AFTPH: variants seen among roughly 807,000 people sequenced by gnomAD.
AFTPH encodes the protein aftiphilin.
AFTPH carries 7 observed loss-of-function variants against 72.5 expected under a neutral mutation model. The ratio of observed to expected loss-of-function variants is 0.10; its 90% CI spans 0.05 to 0.18. The LOEUF (loss-of-function observed/expected upper bound fraction) is 0.18. AFTPH is among the 10% of genes least tolerant of loss of function. The pLI, the probability that AFTPH is intolerant of heterozygous loss-of-function variation, is 1.00. For missense variants in AFTPH, 979 were observed against 1,060.5 expected (o/e 0.92, Z 1.07); for synonymous variants, 337 against 370.1 (o/e 0.91, Z 1.03).
At chr2:64,576,757 C>G (rs1305874921) in intron 6 of AFTPH, among the ~76,000 whole-genome samples, 1 of 151,214 alleles carries the variant, frequency 6.6e-6, no homozygotes, top group African/African-American at 2.4e-5. Flanking sequence ...TCCATGCTCA[C>G]TTTTTTTTTG....
chr2:64,546,783 C>T (rs1432932633), intron 1 of AFTPH, among the ~76,000 whole-genome samples: 1 of 151,966 alleles, frequency 6.6e-6, no homozygotes, highest in African/African-American at 2.4e-5. Flanking sequence ...GCCTGTGATC[C>T]CAGCACTTTG....
chr2:64,576,665 A>G (rs1672822555), intron 6 of AFTPH, among the ~76,000 whole-genome samples: 1 of 152,224 alleles, frequency 6.6e-6, no homozygotes, highest in Non-Finnish European at 1.5e-5. Context: ...AGTCACCGGT[A>G]GCAACTTCTC....
chr2:64,546,019 A>G (rs957140165), intron 1 of AFTPH, among the ~76,000 whole-genome samples: 5 of 151,852 alleles, frequency 3.3e-5, no homozygotes, highest in African/African-American at 1.2e-4. Context: ...CATCCTCCCA[A>G]GTAGCTGGGA....
intron 1 of AFTPH, among the ~76,000 whole-genome samples, chr2:64,528,990 G>A (rs1669444317): frequency 6.6e-6 from 1 of 152,176 alleles, no homozygotes; most frequent in Admixed American, 6.5e-5. Context: ...TGCTGGTAGA[G>A]TTAAGAAGAG....
chr2:64,581,791 A>G (rs1673221126), intron 7 of AFTPH, among the ~76,000 whole-genome samples: 1 of 152,228 alleles, frequency 6.6e-6, no homozygotes, highest in African/African-American at 2.4e-5. Context: ...AGCACTAAGT[A>G]TATAGTCCCA....
At chr2:64,539,754 CAAAT>C (rs1166914070) in intron 1 of AFTPH, among the ~76,000 whole-genome samples, 2 of 152,066 alleles carry the variant, frequency 1.3e-5, no homozygotes, top group African/African-American at 4.8e-5. Flanking sequence ...CATTTGAGCT[CAAAT>C]AAAGTAACTC....
chr2:64,529,564 T>A (rs913625151), intron 1 of AFTPH, among the ~76,000 whole-genome samples: 6 of 151,808 alleles, frequency 4.0e-5, no homozygotes, highest in Non-Finnish European at 8.8e-5. Context: ...TTAAATTTTT[T>A]AAAATAGTCT....
chr2:64,586,342 T>G (rs907731829), intron 8 of AFTPH, among the ~76,000 whole-genome samples: 1 of 152,206 alleles, frequency 6.6e-6, no homozygotes, highest in African/African-American at 2.4e-5. Flanking sequence ...TATTTACCTA[T>G]TAGTTGCCTA....
intron 1 of AFTPH, among the ~76,000 whole-genome samples, chr2:64,536,951 C>CA (rs70937353): frequency 0.015 from 1,221 of 81,326 alleles, 15 homozygotes; most frequent in Non-Finnish European, 0.021. Flanking sequence ...GACTCTGTCT[C>CA]AAAAAAAAAA....
intron 7 of AFTPH, chr2:64,580,107 G>A (rs1673091015): frequency 6.6e-6 from 1 of 152,548 alleles, no homozygotes; most frequent in South Asian, 2.1e-4. Context: ...AAAATAATTG[G>A]TTTCACTTAT....
chr2:64,585,297 A>G lies in AFTPH; in HGVS notation c.2456-125A>G, dbSNP rs1158180971. 8.4e-6 allele frequency: 10 copies of G among 1,189,958 alleles called. No individual in the cohort carries two copies. The East Asian group carries it at 1.2e-4, about 14-fold the overall frequency. The allele number at this position is 1,189,958 out of a possible 1,614,324, so 73.7% of individuals were successfully genotyped here. A position where few individuals can be genotyped will look rare whatever the true frequency, so the allele number is the denominator to read the frequency against. ...AATAAATGCAGTATTGCAGTGTTCT[A>G]AAGATATGTTCTGTTTGTAAAACAC... is the stretch of plus-strand genomic sequence containing the variant. On this transcript the variant is annotated intron_variant, in intron 7 of 8. Transcript: ENST00000238856.
At chr2:64,573,005 T>C in exon 6 of AFTPH, 1 of 1,614,078 alleles carries the variant, frequency 6.2e-7, no homozygotes. Context: ...AAAAAATAGC[T>C]TCCATCGGTC....
intron 6 of AFTPH, among the ~76,000 whole-genome samples, chr2:64,575,398 G>T (rs1172233075): frequency 6.6e-6 from 1 of 152,132 alleles, no homozygotes; most frequent in East Asian, 1.9e-4. Flanking sequence ...TGCCAAGGCA[G>T]GTGGATTGCT....
chr2:64,562,937 A>AT, intron 2 of AFTPH, among the ~76,000 whole-genome samples: 1 of 152,316 alleles, frequency 6.6e-6, no homozygotes, highest in South Asian at 2.1e-4. Context: ...TAAAGTATCT[A>AT]TTTTTTGGAA....
intron 2 of AFTPH, 109 bp from the exon 3 acceptor site, chr2:64,567,453 C>G (rs1672154720): frequency 1.8e-6 from 2 of 1,096,522 alleles, no homozygotes; most frequent in African/African-American, 3.2e-5. Flanking sequence ...GGTTCTCTTC[C>G]TCTCTCACAG....
At chr2:64,571,156 G>A (rs1672402409) in intron 5 of AFTPH, among the ~76,000 whole-genome samples, 1 of 151,664 alleles carries the variant, frequency 6.6e-6, no homozygotes, top group African/African-American at 2.4e-5. Context: ...GATCTCACCC[G>A]GAGAAATAGT....
chr2:64,565,529 G>A (rs1034924694), intron 2 of AFTPH, among the ~76,000 whole-genome samples: 4 of 150,846 alleles, frequency 2.7e-5, no homozygotes, highest in African/African-American at 9.8e-5. Flanking sequence ...GAATTGTTGA[G>A]GAGTTTCCCT....
rs1443635461 is a variant in AFTPH at position 64,524,421 on chromosome 2, TG to T, written c.-221del. 2.5e-6 allele frequency: 1 copy of T among 404,072 alleles called. No homozygotes were observed. The highest frequency in any genetic ancestry group is 4.4e-6 in the Non-Finnish European group (1 of 229,742). 25.0% of individuals were successfully genotyped at this position (404,072 alleles called of 1,614,324 possible). A position where few individuals can be genotyped will look rare whatever the true frequency, so the allele number is the denominator to read the frequency against. On this transcript the variant is annotated 5_prime_UTR_variant, in exon 1 of 9. An upstream open reading frame in the 5' UTR gains an earlier in-frame stop. Transcript: ENST00000238856. ...GGCGGCGGAAGAGGGCGGAGGGTAG[TG>T]GGATGGGGGTCCCGCGGCAGCGGTG... is the stretch of plus-strand genomic sequence containing the variant.
At chr2:64,569,345 C>T (rs6546087) in intron 4 of AFTPH, 127 bp downstream of exon 4, 531,239 of 1,274,624 alleles carry the variant, frequency 0.42, 117,302 homozygotes, top group African/African-American at 0.78. Flanking sequence ...TAAATGTTCA[C>T]TTATATTGAA....
Sources: allele counts gnomAD v4.1 joint callset (sites outside exome capture counted in the v4.1 genomes callset), GRCh38; gene constraint gnomAD v4.1.1; transcripts MANE v1.5; gene names NCBI Gene and HGNC (gene_info 2026-07-23, HGNC 2026-07-21).